ZNF766: variants seen among roughly 807,000 people sequenced by gnomAD.
ZNF766 encodes the protein zinc finger protein 766.
A neutral mutation model predicts 13.2 loss-of-function variants in ZNF766; 13 were observed. The ratio of observed to expected loss-of-function variants is 0.98; its 90% CI spans 0.64 to 1.56. The LOEUF is 1.56. ZNF766 is among the 40% of genes most tolerant of loss of function. ZNF766 has a pLI of 0.00. For missense variants in ZNF766, 521 were observed against 552.2 expected, an observed-to-expected ratio of 0.94 and a Z score of 0.57; for synonymous variants, 178 against 187.6, an observed-to-expected ratio of 0.95 and a Z score of 0.42.
chr19:52,277,508 G>A, intron 1 of ZNF766: 1 of 1,576,668 alleles, frequency 6.3e-7, no homozygotes, highest in Non-Finnish European at 8.6e-7. Context: ...CCCAGAAGAG[G>A]AAAGCAGAGG....
chr19:52,274,455 C>T (rs1010281406), intron 1 of ZNF766: 3 of 152,374 alleles, frequency 2.0e-5, no homozygotes, highest in African/African-American at 7.2e-5. Flanking sequence ...AAACCTAGTG[C>T]GTTACCAAAC....
intron 3 of ZNF766, among the ~76,000 whole-genome samples, chr19:52,287,236 G>A (rs962791395): frequency 1.3e-5 from 2 of 151,926 alleles, no homozygotes; most frequent in African/African-American, 2.4e-5. Flanking sequence ...TCCGCCTCCC[G>A]GGTTCAAGCG....
At chr19:52,283,246 G>C in intron 2 of ZNF766, 39 bp from the exon 3 acceptor site, 1 of 1,588,434 alleles carries the variant, frequency 6.3e-7, no homozygotes, top group East Asian at 2.3e-5. Flanking sequence ...GGATTTTGGA[G>C]ACATCACAGC....
At chr19:52,273,866 A>T (rs1275532216) in intron 1 of ZNF766, among the ~76,000 whole-genome samples, 3 of 152,152 alleles carry the variant, frequency 2.0e-5, no homozygotes, top group Non-Finnish European at 2.9e-5. Flanking sequence ...TTCACATTGG[A>T]GTGCAGATAC....
chr19:52,276,681 A>G (rs1981217749), intron 1 of ZNF766, among the ~76,000 whole-genome samples: 1 of 152,170 alleles, frequency 6.6e-6, no homozygotes, highest in Non-Finnish European at 1.5e-5. Context: ...AAGTGGAGTA[A>G]ATAGGGTTCA....
intron 1 of ZNF766, among the ~76,000 whole-genome samples, chr19:52,278,212 A>G (rs1981311498): frequency 6.6e-6 from 1 of 152,096 alleles, no homozygotes; most frequent in Non-Finnish European, 1.5e-5. Context: ...TTGGGATTAC[A>G]GGCGTGAGCC....
chr19:52,286,297 C>T (rs1028640952), intron 3 of ZNF766, among the ~76,000 whole-genome samples: 1 of 150,972 alleles, frequency 6.6e-6, no homozygotes, highest in African/African-American at 2.4e-5. Context: ...TCCTCGTATT[C>T]CTAGTGTGTT....
intron 1 of ZNF766, among the ~76,000 whole-genome samples, chr19:52,278,249 A>G (rs947251366): frequency 6.6e-6 from 1 of 151,924 alleles, no homozygotes; most frequent in African/African-American, 2.4e-5. Flanking sequence ...TCTGACTTTT[A>G]GTAATAGCCA....
intron 1 of ZNF766, among the ~76,000 whole-genome samples, chr19:52,272,883 C>G (rs1981034761): frequency 1.3e-5 from 2 of 152,186 alleles, no homozygotes; most frequent in Non-Finnish European, 2.9e-5. Context: ...GTGCCACTTT[C>G]TGAACTCCCC....
Position 52,290,178 on chromosome 19 carries a change from G to A in ZNF766, c.387G>A (p.Lys129=), listed in dbSNP as rs757677670. The change falls in exon 4 of 4, where the codon AAG becomes AAA. Residue 129 remains lysine, a synonymous_variant. Coordinates refer to ENST00000439461, the MANE Select transcript of ZNF766 (RefSeq NM_001010851.3). ...TGGAGATATTTCAAGGTGAAGGGAAGATTTATGAATGTAATCAAGTTCAAA... is the reference window on the plus strand; with the variant it reads ...TGGAGATATTTCAAGGTGAAGGGAAAATTTATGAATGTAATCAAGTTCAAA... ...PELEIFQGEG[K]IYECNQVQKF... 1 of 1,614,024 alleles carries A rather than the reference G, an allele frequency of 6.2e-7. No homozygotes were observed. Among genetic ancestry groups the A allele is most frequent in the Admixed American group, 1.7e-5 (1 of 60,026 alleles).
chr19:52,279,170 G>C (rs1184037764), intron 1 of ZNF766, among the ~76,000 whole-genome samples: 1 of 152,174 alleles, frequency 6.6e-6, no homozygotes, highest in East Asian at 1.9e-4. Flanking sequence ...CTTTGTCAAA[G>C]ATCAGTTGGT....
Position 52,294,974 on chromosome 19 carries a change from TTATAAA to T in ZNF766, c.*3780_*3785del, listed in dbSNP as rs1233678403. ...ATATAATATGATTAAAATATATTTGTTATAAATATGATATTACTAGAAGAGCATTTT... is the reference window on the plus strand; with the variant it reads ...ATATAATATGATTAAAATATATTTGTTATGATATTACTAGAAGAGCATTTT... On this transcript the variant is annotated 3_prime_UTR_variant, in exon 4 of 4. Coordinates refer to ENST00000439461, the MANE Select transcript of ZNF766 (RefSeq NM_001010851.3). The T allele has an allele frequency of 6.0e-5, 9 of 151,084 alleles. No homozygotes were observed. The East Asian group carries it at 1.2e-3, about 19-fold the overall frequency. 9.4% of individuals were successfully genotyped at this position (151,084 alleles called of 1,614,324 possible). A position where few individuals can be genotyped will look rare whatever the true frequency, so the allele number is the denominator to read the frequency against.
chr19:52,279,039 G>A (rs188422589), intron 1 of ZNF766, among the ~76,000 whole-genome samples: 1 of 152,270 alleles, frequency 6.6e-6, no homozygotes, highest in East Asian at 1.9e-4. Flanking sequence ...TCCATCTTGA[G>A]TTGATTTTTG....
rs1038457353 is a variant in ZNF766, at chr19:52,277,679, T to C, written c.19-4432T>C. On this transcript the variant is annotated intron_variant, in intron 1 of 3. Transcript: ENST00000439461. ...CACACTCACCCATGCCTTCCTTCAG[T>C]CCCTCTCATCTCGCTTAGATTCCAT... 8.5e-6 allele frequency: 8 copies of C among 942,390 alleles called. No homozygotes were observed. The African/African-American group carries it at 1.3e-4, about 15-fold the overall frequency. The allele number at this position is 942,390 out of a possible 1,614,324, so 58.4% of individuals were successfully genotyped here. A position where few individuals can be genotyped will look rare whatever the true frequency, so the allele number is the denominator to read the frequency against.
At chr19:52,284,043 C>T (rs575907910) in intron 3 of ZNF766, among the ~76,000 whole-genome samples, 3 of 152,248 alleles carry the variant, frequency 2.0e-5, no homozygotes, top group African/African-American at 7.2e-5. Flanking sequence ...CCCACGCTGT[C>T]GTTTAGATGT....
rs1300481092 is a variant in ZNF766, at chr19:52,295,853, C to T, written c.*4655C>T. On this transcript the variant is annotated 3_prime_UTR_variant, in exon 4 of 4. Coordinates refer to ENST00000439461, the MANE Select transcript of ZNF766 (RefSeq NM_001010851.3). Reference sequence around the variant, plus strand: ...CTATCTTTTTTTTCAGATGTTTGAGCTATTCCAGGTTTTTTGGGATTTCTG... The same window carrying T: ...CTATCTTTTTTTTCAGATGTTTGAGTTATTCCAGGTTTTTTGGGATTTCTG... The T allele has an allele frequency of 6.6e-6, 1 of 151,830 alleles. No homozygotes were observed. Among genetic ancestry groups the T allele is most frequent in the Non-Finnish European group, 1.5e-5 (1 of 67,974 alleles). The allele number at this position is 151,830 out of a possible 1,614,324, so 9.4% of individuals were successfully genotyped here.
chr19:52,292,531 T>C lies in ZNF766; in HGVS notation c.*1333T>C. Reference sequence around the variant, plus strand: ...CCATTGAATAGCAATAGCTGCTGTTTAGCAAAGACTGATTAAAAAGTACTC... The same window carrying C: ...CCATTGAATAGCAATAGCTGCTGTTCAGCAAAGACTGATTAAAAAGTACTC... On this transcript the variant is annotated 3_prime_UTR_variant, in exon 4 of 4. Transcript: ENST00000439461. The C allele has an allele frequency of 4.3e-6, 1 of 230,280 alleles. No individual in the cohort carries two copies. Among genetic ancestry groups the C allele is most frequent in the Non-Finnish European group, 8.4e-6 (1 of 119,442 alleles). 14.3% of individuals were successfully genotyped at this position (230,280 alleles called of 1,614,324 possible). A position where few individuals can be genotyped will look rare whatever the true frequency, so the allele number is the denominator to read the frequency against.
intron 3 of ZNF766, among the ~76,000 whole-genome samples, chr19:52,286,510 A>T (rs1257277160): frequency 6.6e-6 from 1 of 152,064 alleles, no homozygotes; most frequent in Non-Finnish European, 1.5e-5. Flanking sequence ...TCCTGAGCTC[A>T]AGCGATCCTC....
At position 52,292,635 on chromosome 19, in the gene ZNF766, A is replaced by G. The variant is rs899342857; in HGVS notation, c.*1437A>G. 1.9e-5 allele frequency: 3 copies of G among 154,502 alleles called. No individual in the cohort carries two copies. Among genetic ancestry groups the G allele is most frequent in the Non-Finnish European group, 4.3e-5 (3 of 69,664 alleles). The allele number at this position is 154,502 out of a possible 1,614,324, so 9.6% of individuals were successfully genotyped here. Reference sequence around the variant, plus strand: ...AAACTACCAGTGGAACATGTTCTTGAGTAGGATTCACATTTAACTGCTGGC... The same window carrying G: ...AAACTACCAGTGGAACATGTTCTTGGGTAGGATTCACATTTAACTGCTGGC... On this transcript the variant is annotated 3_prime_UTR_variant, in exon 4 of 4. Coordinates refer to ENST00000439461, the MANE Select transcript of ZNF766 (RefSeq NM_001010851.3).
Sources: gnomAD v4.1 joint callset for allele counts (sites outside exome capture counted in the v4.1 genomes callset) on GRCh38, gnomAD v4.1.1 for gene constraint, MANE v1.5 for transcripts, NCBI Gene and HGNC (gene_info 2026-07-23, HGNC 2026-07-21) for gene names.